Variants in ULK4 observed in about 807,000 individuals in gnomAD.
The protein encoded by ULK4 is inactive serine/threonine-protein kinase ULK4.
Under a neutral mutation model 160.6 loss-of-function variants are expected in ULK4, and 133 were observed. The ratio of observed to expected loss-of-function variants is 0.83; its 90% CI spans 0.72 to 0.96. The LOEUF (loss-of-function observed/expected upper bound fraction) is 0.96, where lower values mean the gene tolerates loss of function less well. Ranked by LOEUF, ULK4 falls within the 40% of genes least tolerant of loss-of-function variation. The pLI is 0.00. For missense variants in ULK4, 1,580 were observed against 1,499.5 expected (o/e 1.05, Z -0.89); for synonymous variants, 534 against 539.8 (o/e 0.99, Z 0.15).
At chr3:41,313,513 C>T (rs902912001) in intron 35 of ULK4, among the ~76,000 whole-genome samples, 2 of 152,110 alleles carry the variant, frequency 1.3e-5, no homozygotes, top group African/African-American at 4.8e-5. Context: ...TTTTCTATTT[C>T]ATTAATTTCT....
At chr3:41,602,184 ACT>A (rs939937709) in intron 31 of ULK4, among the ~76,000 whole-genome samples, 5 of 151,268 alleles carry the variant, frequency 3.3e-5, no homozygotes, top group African/African-American at 1.2e-4. Context: ...ACAGAGCAAG[ACT>A]CTGTCTGTAA....
intron 31 of ULK4, among the ~76,000 whole-genome samples, chr3:41,588,219 C>A (rs972620505): frequency 3.9e-5 from 6 of 152,114 alleles, no homozygotes; most frequent in Admixed American, 6.5e-5. Flanking sequence ...AACATAGATA[C>A]ATAGATTATC....
At chr3:41,643,266 C>T (rs1054484071) in intron 30 of ULK4, among the ~76,000 whole-genome samples, 8 of 152,074 alleles carry the variant, frequency 5.3e-5, no homozygotes, top group Non-Finnish European at 7.4e-5. Flanking sequence ...AGTCCTTGCC[C>T]ATGCCTATGT....
intron 5 of ULK4, among the ~76,000 whole-genome samples, chr3:41,921,184 C>T (rs545575533): frequency 6.6e-6 from 1 of 152,116 alleles, no homozygotes; most frequent in East Asian, 1.9e-4. Context: ...TGGTGGAGGG[C>T]ACCTGTAATC....
intron 32 of ULK4, among the ~76,000 whole-genome samples, chr3:41,486,526 G>T (rs532233971): frequency 6.6e-6 from 1 of 152,312 alleles, no homozygotes; most frequent in East Asian, 1.9e-4. Context: ...AGACTGAACG[G>T]TGTCAGGTAT....
intron 32 of ULK4, among the ~76,000 whole-genome samples, chr3:41,503,861 A>G (rs2085292402): frequency 6.6e-6 from 1 of 152,208 alleles, no homozygotes; most frequent in African/African-American, 2.4e-5. Context: ...GTAAGCAGTT[A>G]CCTTGAAAAG....
At chr3:41,957,627 T>G (rs1206687089) in intron 1 of ULK4, among the ~76,000 whole-genome samples, 1 of 150,792 alleles carries the variant, frequency 6.6e-6, no homozygotes, top group African/African-American at 2.4e-5. Context: ...ACAAAAGAAC[T>G]GCTTGAGCCC....
At chr3:41,502,093 T>C (rs1415372844) in intron 32 of ULK4, among the ~76,000 whole-genome samples, 1 of 152,220 alleles carries the variant, frequency 6.6e-6, no homozygotes, top group East Asian at 1.9e-4. Flanking sequence ...TATTTATTCA[T>C]CCACTGATGG....
At chr3:41,493,010 A>G (rs1227781006) in intron 32 of ULK4, among the ~76,000 whole-genome samples, 32 of 134,346 alleles carry the variant, frequency 2.4e-4, no homozygotes, top group African/African-American at 8.8e-4. Context: ...TCAACATTAG[A>G]CAGATCAATG....
intron 32 of ULK4, among the ~76,000 whole-genome samples, chr3:41,536,956 C>G (rs1300743369): frequency 1.3e-5 from 2 of 152,142 alleles, no homozygotes; most frequent in African/African-American, 4.8e-5. Context: ...AAAAATAAAT[C>G]CATGTTGTAA....
chr3:41,730,535 C>A (rs773341189), intron 22 of ULK4, among the ~76,000 whole-genome samples: 1 of 151,916 alleles, frequency 6.6e-6, no homozygotes, highest in Non-Finnish European at 1.5e-5. Flanking sequence ...TGGACAAATG[C>A]CTGGATACAC....
chr3:41,476,613 T>A (rs905835270), intron 32 of ULK4, among the ~76,000 whole-genome samples: 1 of 152,202 alleles, frequency 6.6e-6, no homozygotes, highest in African/African-American at 2.4e-5. Context: ...CCATTCCTTT[T>A]TTTTTTATTT....
intron 35 of ULK4, among the ~76,000 whole-genome samples, chr3:41,331,897 T>C (rs2080450205): frequency 6.6e-6 from 1 of 152,190 alleles, no homozygotes; most frequent in Admixed American, 6.5e-5. Context: ...ATTAAGTAGA[T>C]ATAAGATTAG....
At chr3:41,571,444 GGTTT>G (rs1288036389) in intron 31 of ULK4, among the ~76,000 whole-genome samples, 1 of 152,164 alleles carries the variant, frequency 6.6e-6, no homozygotes, top group Non-Finnish European at 1.5e-5. Context: ...GCTTTAATAA[GGTTT>G]TTTTCTGGTT....
chr3:41,643,746 G>A (rs1457048764), intron 30 of ULK4, among the ~76,000 whole-genome samples: 1 of 152,176 alleles, frequency 6.6e-6, no homozygotes, highest in Non-Finnish European at 1.5e-5. Context: ...TTGGTAGCTT[G>A]ATGGGGATGG....
At chr3:41,617,911 G>A (rs1422418834) in intron 30 of ULK4, among the ~76,000 whole-genome samples, 3 of 152,140 alleles carry the variant, frequency 2.0e-5, no homozygotes, top group Admixed American at 6.5e-5. Context: ...AGAATAAGCA[G>A]TTTACAGAGA....
intron 32 of ULK4, among the ~76,000 whole-genome samples, chr3:41,565,497 T>C (rs2087753212): frequency 6.6e-6 from 1 of 152,052 alleles, no homozygotes; most frequent in African/African-American, 2.4e-5. Context: ...TTAGATGAGG[T>C]CATTAGGATG....
chr3:41,492,482 T>C (rs1223773997), intron 32 of ULK4, among the ~76,000 whole-genome samples: 4 of 150,836 alleles, frequency 2.7e-5, no homozygotes, highest in African/African-American at 9.8e-5. Flanking sequence ...CATGCCAAAA[T>C]GTAAAGACCA....
chr3:41,369,242 A>G (rs2081314115), intron 35 of ULK4, among the ~76,000 whole-genome samples: 1 of 152,166 alleles, frequency 6.6e-6, no homozygotes, highest in Non-Finnish European at 1.5e-5. Flanking sequence ...CCCTGCCTGT[A>G]CCAGCACTTT....
Sources: allele counts gnomAD v4.1 joint callset (sites outside exome capture counted in the v4.1 genomes callset), GRCh38; gene constraint gnomAD v4.1.1; transcripts MANE v1.5; gene names NCBI Gene and HGNC (gene_info 2026-07-23, HGNC 2026-07-21).